LPIN1: variants seen among roughly 807,000 people sequenced by gnomAD.
The protein encoded by LPIN1 is phosphatidate phosphatase LPIN1.
A neutral mutation model predicts 107.5 loss-of-function variants in LPIN1; 71 were observed. That is an observed-to-expected ratio of 0.66 (90% CI 0.55 to 0.80). LPIN1 has a LOEUF of 0.80. LPIN1 is among the 30% of genes least tolerant of loss of function. LPIN1 has a pLI of 0.00. For synonymous variants in LPIN1, 445 were observed against 452.6 expected (o/e 0.98, Z 0.21); for missense variants, 1,043 against 1,160.6 (o/e 0.90, Z 1.47).
At chr2:11,808,407 T>C (rs1381090352) in intron 17 of LPIN1, among the ~76,000 whole-genome samples, 1 of 152,210 alleles carries the variant, frequency 6.6e-6, no homozygotes, top group Admixed American at 6.5e-5. Context: ...ACTCCCATCA[T>C]ACTTTTGAAT....
At chr2:11,688,102 C>A (rs900157489) in intron 1 of LPIN1, among the ~76,000 whole-genome samples, 5 of 152,326 alleles carry the variant, frequency 3.3e-5, no homozygotes, top group Admixed American at 6.5e-5. Flanking sequence ...CTCCATAGTT[C>A]TCAATGCTTC....
chr2:11,680,166 C>T (rs1661636516), intron 1 of LPIN1, among the ~76,000 whole-genome samples: 1 of 152,200 alleles, frequency 6.6e-6, no homozygotes, highest in Admixed American at 6.5e-5. Context: ...GGAGCTGTGA[C>T]TGCCCTGGCC....
chr2:11,706,005 G>A (rs1021809715), intron 1 of LPIN1, among the ~76,000 whole-genome samples: 3 of 152,106 alleles, frequency 2.0e-5, no homozygotes, highest in Non-Finnish European at 4.4e-5. Flanking sequence ...AAGATCTGAT[G>A]GTTTTAAAAA....
rs146709674 is a variant in LPIN1 at position 11,762,374 on chromosome 2, A to C, written c.-9-3159A>C. On this transcript the variant is annotated intron_variant, in intron 1 of 20. Coordinates refer to ENST00000674199, the MANE Select transcript of LPIN1 (RefSeq NM_001349206.2). ...TTTATTACAAAGGCGAGATTGATTAACTCATCGGCCATTGATTACACTTAA... is the reference window on the plus strand; with the variant it reads ...TTTATTACAAAGGCGAGATTGATTACCTCATCGGCCATTGATTACACTTAA... Among the ~76,000 whole-genome samples the C allele has an allele frequency of 2.7e-3, 377 of 137,870 alleles. 3 individuals carry two copies. The highest frequency in any genetic ancestry group is 8.0e-3 in the African/African-American group (289 of 36,174). The allele number at this position is 137,870 out of a possible 152,430, so 90.4% of individuals were successfully genotyped here. A position where few individuals can be genotyped will look rare whatever the true frequency, so the allele number is the denominator to read the frequency against.
intron 1 of LPIN1, chr2:11,764,088 A>ATG (rs1558838230): frequency 8.6e-6 from 1 of 116,774 alleles, no homozygotes; most frequent in African/African-American, 3.6e-5. Flanking sequence ...GTATATATAT[A>ATG]TATATATATA....
chr2:11,729,905 T>C (rs1665022656), intron 1 of LPIN1, among the ~76,000 whole-genome samples: 1 of 152,152 alleles, frequency 6.6e-6, no homozygotes, highest in Non-Finnish European at 1.5e-5. Context: ...TGTGCTGATA[T>C]TTAACCTACT....
intron 6 of LPIN1, among the ~76,000 whole-genome samples, chr2:11,777,824 G>T (rs1476639494): frequency 2.0e-5 from 3 of 152,228 alleles, no homozygotes; most frequent in Admixed American, 2.0e-4. Context: ...GTTCTATTTT[G>T]TCTGGTGAAA....
intron 1 of LPIN1, among the ~76,000 whole-genome samples, chr2:11,712,700 G>T (rs1171211572): frequency 6.6e-6 from 1 of 152,194 alleles, no homozygotes; most frequent in Non-Finnish European, 1.5e-5. Context: ...AGGTTTAGGG[G>T]CTTCTGGGGC....
chr2:11,795,547 T>TG (rs1458917358), intron 14 of LPIN1, 60 bp downstream of exon 14: 7 of 1,438,464 alleles, frequency 4.9e-6, no homozygotes, highest in Non-Finnish European at 5.9e-6. Flanking sequence ...GTTCATGGCG[T>TG]GTGCTGCCTG....
intron 1 of LPIN1, among the ~76,000 whole-genome samples, chr2:11,760,048 C>G (rs1385725398): frequency 1.4e-5 from 2 of 145,020 alleles, no homozygotes; most frequent in Non-Finnish European, 3.0e-5. Context: ...GACGGGGTCG[C>G]GGCCGGGCAG....
chr2:11,684,698 T>C (rs1044529627), intron 1 of LPIN1, among the ~76,000 whole-genome samples: 1 of 152,228 alleles, frequency 6.6e-6, no homozygotes, highest in African/African-American at 2.4e-5. Context: ...TTAAAGTATC[T>C]TTTATGAAAA....
chr2:11,814,502 GTGTGTGTGCA>G (rs1447429468), intron 17 of LPIN1, among the ~76,000 whole-genome samples: 1 of 144,100 alleles, frequency 6.9e-6, no homozygotes, highest in African/African-American at 2.6e-5. Context: ...GGATGTTTTG[GTGTGTGTGCA>G]TGTGTGTGTG....
In LPIN1 at chr2:11,765,805, C is replaced by T; in HGVS notation, c.192+72C>T. 1.4e-6 allele frequency: 2 copies of T among 1,389,940 alleles called. No individual in the cohort carries two copies. The highest frequency in any genetic ancestry group is 2.3e-5 in the East Asian group (1 of 43,048). The allele number at this position is 1,389,940 out of a possible 1,614,324, so 86.1% of individuals were successfully genotyped here. ...ATGCCCTTGTACTCTGGTGATGCCA[C>T]CTGTCTTGAACTCTCAGACCCAGAG... On this transcript the variant is annotated intron_variant, in intron 2 of 20. Transcript: ENST00000674199. This position sits in a 1 kb window ranked among gnomAD's most constrained non-coding sequence, Gnocchi z 4.4.
chr2:11,762,776 C>T (rs1051537786), intron 1 of LPIN1, among the ~76,000 whole-genome samples: 3 of 152,202 alleles, frequency 2.0e-5, no homozygotes, highest in African/African-American at 4.8e-5. Context: ...AATATCACAG[C>T]GCCACTGAAT....
chr2:11,708,641 AC>A (rs1336747044), intron 1 of LPIN1, among the ~76,000 whole-genome samples: 1 of 152,134 alleles, frequency 6.6e-6, no homozygotes, highest in African/African-American at 2.4e-5. Flanking sequence ...GGAGATGGAG[AC>A]CAGCTGTGTT....
chr2:11,766,235 A>G (rs1025715620), intron 2 of LPIN1, among the ~76,000 whole-genome samples: 2 of 152,216 alleles, frequency 1.3e-5, no homozygotes, highest in Middle Eastern at 3.2e-3. Context: ...GCTGGAGCTT[A>G]TGGCCTAGCC....
At chr2:11,811,155 G>A (rs371746515) in intron 17 of LPIN1, among the ~76,000 whole-genome samples, 17 of 152,188 alleles carry the variant, frequency 1.1e-4, no homozygotes, top group African/African-American at 4.1e-4. Flanking sequence ...TGCCCTGTGC[G>A]TACCCCAAGC....
chr2:11,807,409 TG>T (rs1678892460), intron 17 of LPIN1, among the ~76,000 whole-genome samples: 1 of 152,230 alleles, frequency 6.6e-6, no homozygotes, highest in Non-Finnish European at 1.5e-5. Context: ...GAAACCCTCA[TG>T]GGTCAGGATG....
At chr2:11,744,289 C>A (rs1260738047), upstream of LPIN1, among the ~76,000 whole-genome samples, 3 of 152,242 alleles carry the variant, frequency 2.0e-5, no homozygotes, top group Non-Finnish European at 4.4e-5. Flanking sequence ...GGCCTGGTTG[C>A]TGATAGCACA....
Sources: allele counts gnomAD v4.1 joint callset (sites outside exome capture counted in the v4.1 genomes callset), GRCh38; gene constraint gnomAD v4.1.1; non-coding constraint Gnocchi (gnomAD v3.1); transcripts MANE v1.5; gene names NCBI Gene and HGNC (gene_info 2026-07-23, HGNC 2026-07-21).